The following TAFA1 variants were observed in gnomAD, a reference collection of about 807,000 sequenced individuals.
TAFA1 encodes chemokine-like protein TAFA-1.
A neutral mutation model predicts 18.5 loss-of-function variants in TAFA1; 4 were observed. That is an observed-to-expected ratio of 0.22 (90% CI 0.11 to 0.49). The LOEUF (loss-of-function observed/expected upper bound fraction) is 0.49. TAFA1 is among the 20% of genes least tolerant of loss of function. TAFA1 has a pLI of 0.98. For synonymous variants in TAFA1, 56 were observed against 55.2 expected, an observed-to-expected ratio of 1.01 and a Z score of -0.06; for missense variants, 147 against 169.0, an observed-to-expected ratio of 0.87 and a Z score of 0.72.
chr3:68,190,021 T>C (rs1164127564), intron 2 of TAFA1, among the ~76,000 whole-genome samples: 1 of 151,946 alleles, frequency 6.6e-6, no homozygotes, highest in East Asian at 1.9e-4. Context: ...ATCAAGCTAC[T>C]GTGGTTGAAT....
At chr3:68,235,207 A>G (rs912572202) in intron 2 of TAFA1, among the ~76,000 whole-genome samples, 2 of 152,148 alleles carry the variant, frequency 1.3e-5, no homozygotes, top group Non-Finnish European at 2.9e-5. Flanking sequence ...TAGAAATCTT[A>G]TTTTATTCCA....
intron 3 of TAFA1, among the ~76,000 whole-genome samples, chr3:68,521,363 G>A (rs1300601785): frequency 6.6e-6 from 1 of 152,204 alleles, no homozygotes; most frequent in African/African-American, 2.4e-5. Flanking sequence ...CAAGGGAGAA[G>A]GAGTTGGGAA....
At chr3:68,461,375 ATATATG>A (rs983548350) in intron 3 of TAFA1, among the ~76,000 whole-genome samples, 17 of 141,530 alleles carry the variant, frequency 1.2e-4, no homozygotes, top group Admixed American at 4.2e-4. Context: ...ATATATATAT[ATATATG>A]TATGTATGTA....
chr3:68,477,203 A>G (rs368232401), intron 3 of TAFA1, among the ~76,000 whole-genome samples: 2 of 151,938 alleles, frequency 1.3e-5, no homozygotes, highest in East Asian at 1.9e-4. Context: ...ATATATTTTA[A>G]CATAATTTGT....
chr3:68,221,955 C>T (rs1320157205), intron 2 of TAFA1, among the ~76,000 whole-genome samples: 1 of 152,134 alleles, frequency 6.6e-6, no homozygotes, highest in Non-Finnish European at 1.5e-5. Flanking sequence ...GGGAATGGCA[C>T]CTGGAAGGTG....
chr3:68,513,505 A>G (rs1001427013), intron 3 of TAFA1, among the ~76,000 whole-genome samples: 1 of 152,164 alleles, frequency 6.6e-6, no homozygotes, highest in Non-Finnish European at 1.5e-5. Flanking sequence ...CTTATTTGAC[A>G]GCCATAGTGT....
the TAFA1 span, among the ~76,000 whole-genome samples, chr3:67,995,758 G>T: frequency 6.6e-6 from 1 of 152,128 alleles, no homozygotes; most frequent in African/African-American, 2.4e-5. Context: ...GGTTGGAGAT[G>T]CACATTTAGG....
At chr3:68,191,365 G>A (rs1371089549) in intron 2 of TAFA1, among the ~76,000 whole-genome samples, 2 of 151,774 alleles carry the variant, frequency 1.3e-5, no homozygotes, top group East Asian at 1.9e-4. Context: ...CAGCATGGCG[G>A]TATTTATTAA....
chr3:68,447,930 A>G (rs1398187999), intron 3 of TAFA1, among the ~76,000 whole-genome samples: 1 of 152,230 alleles, frequency 6.6e-6, no homozygotes, highest in African/African-American at 2.4e-5. Context: ...TTAATCCTGC[A>G]ATAATCCTAT....
chr3:68,396,132 G>T lies in TAFA1; in HGVS notation c.119-21148G>T, dbSNP rs1036618193. Among the ~76,000 whole-genome samples the T allele has an allele frequency of 3.3e-5, 5 of 151,912 alleles. No homozygotes were observed. In the South Asian group the frequency reaches 1.0e-3, roughly 32 times the overall value. Reference sequence around the variant, plus strand: ...TGAGGACTTTTGATTTTGGTCATTTGGTTTTTGTTTATTTTAGAGTAAAAA... The same window carrying T: ...TGAGGACTTTTGATTTTGGTCATTTTGTTTTTGTTTATTTTAGAGTAAAAA... On this transcript the variant is annotated intron_variant, in intron 2 of 4. Coordinates refer to ENST00000478136, the MANE Select transcript of TAFA1 (RefSeq NM_213609.4).
chr3:68,276,251 C>G (rs772254571), intron 2 of TAFA1, among the ~76,000 whole-genome samples: 2 of 151,908 alleles, frequency 1.3e-5, no homozygotes, highest in Non-Finnish European at 2.9e-5. Flanking sequence ...TCTAAAGCAA[C>G]GCTTCTCAAC....
chr3:68,099,748 G>A (rs913231757), intron 2 of TAFA1, among the ~76,000 whole-genome samples: 1 of 151,968 alleles, frequency 6.6e-6, no homozygotes, highest in Admixed American at 6.6e-5. Context: ...AATCAACATA[G>A]GTACCCATCA....
chr3:68,208,469 T>C (rs2107060175), intron 2 of TAFA1, among the ~76,000 whole-genome samples: 1 of 152,092 alleles, frequency 6.6e-6, no homozygotes, highest in Middle Eastern at 3.4e-3. Flanking sequence ...GACTCATTTT[T>C]CCACCACTGC....
At chr3:68,506,061 C>T (rs551393855) in intron 3 of TAFA1, among the ~76,000 whole-genome samples, 1 of 151,962 alleles carries the variant, frequency 6.6e-6, no homozygotes, top group South Asian at 2.1e-4. Flanking sequence ...CCTGATAGGC[C>T]CCAGTGCATG....
At chr3:68,049,817 T>A (rs1395925088) in intron 2 of TAFA1, among the ~76,000 whole-genome samples, 1 of 151,902 alleles carries the variant, frequency 6.6e-6, no homozygotes, top group Non-Finnish European at 1.5e-5. Flanking sequence ...TTTCTGCATA[T>A]TTTTTTTCCA....
At chr3:68,534,562 A>G (rs778123419) in intron 3 of TAFA1, among the ~76,000 whole-genome samples, 1 of 152,190 alleles carries the variant, frequency 6.6e-6, no homozygotes, top group Non-Finnish European at 1.5e-5. Context: ...GCCAAAGGGT[A>G]AAGCAAATCA....
At chr3:68,046,993 T>C (rs1320992298) in intron 2 of TAFA1, among the ~76,000 whole-genome samples, 1 of 152,228 alleles carries the variant, frequency 6.6e-6, no homozygotes, top group Non-Finnish European at 1.5e-5. Flanking sequence ...AAGCACTGTG[T>C]TTAATATTTG....
intron 2 of TAFA1, among the ~76,000 whole-genome samples, chr3:68,244,301 T>C (rs2067038527): frequency 6.6e-6 from 1 of 152,178 alleles, no homozygotes; most frequent in African/African-American, 2.4e-5. Context: ...ATTAATTGGT[T>C]GTTGTTTTGA....
intron 2 of TAFA1, among the ~76,000 whole-genome samples, chr3:68,191,524 G>T (rs1478959694): frequency 1.3e-5 from 2 of 151,746 alleles, no homozygotes; most frequent in Non-Finnish European, 2.9e-5. Context: ...GTCTCTATTG[G>T]TTTGGCTTTA....
Sources: gnomAD v4.1 joint callset for allele counts (sites outside exome capture counted in the v4.1 genomes callset) on GRCh38, gnomAD v4.1.1 for gene constraint, MANE v1.5 for transcripts, NCBI Gene and HGNC (gene_info 2026-07-23, HGNC 2026-07-21) for gene names.